Variants in RAP1GAP2 observed in about 807,000 individuals in gnomAD.
The protein encoded by RAP1GAP2 is RAP1 GTPase activating protein 2.
A neutral mutation model predicts 95.0 loss-of-function variants in RAP1GAP2; 27 were observed. The observed-to-expected ratio is 0.28, with a 90% CI of 0.21 to 0.39. The LOEUF is 0.39. RAP1GAP2 is among the 10% of genes least tolerant of loss of function. The probability of loss-of-function intolerance (pLI) is 1.00; values close to 1 mark genes in which losing one functional copy is unlikely to be tolerated. For synonymous variants in RAP1GAP2, 373 were observed against 380.9 expected (o/e 0.98, Z 0.24); for missense variants, 771 against 970.0 (o/e 0.79, Z 2.72).
Position 3,035,565 on chromosome 17 carries a change from A to C in RAP1GAP2, c.*2204A>C, listed in dbSNP as rs547033060. Reference sequence around the variant, plus strand: ...CTGGGTGGCCCCCAGAGAAGCACAGACCTGAGATGGGGTCTCCATGCCCGG... The same window carrying C: ...CTGGGTGGCCCCCAGAGAAGCACAGCCCTGAGATGGGGTCTCCATGCCCGG... On this transcript the variant is annotated 3_prime_UTR_variant, in exon 25 of 25. Coordinates refer to ENST00000254695, the MANE Select transcript of RAP1GAP2 (RefSeq NM_015085.5). The surrounding 1 kb of genome is among the most constrained non-coding windows in gnomAD (Gnocchi z 4.3). 9.9e-4 allele frequency: 151 copies of C among 152,690 alleles called. 1 individual carries two copies. Among genetic ancestry groups the C allele is most frequent in the Admixed American group, 2.1e-3 (32 of 15,296 alleles). 9.5% of individuals were successfully genotyped at this position (152,690 alleles called of 1,614,324 possible).
At chr17:2,769,744 T>A (rs1567634933) in intron 1 of RAP1GAP2, among the ~76,000 whole-genome samples, 1 of 152,074 alleles carries the variant, frequency 6.6e-6, no homozygotes, top group Non-Finnish European at 1.5e-5. Flanking sequence ...TCCAAGTGAC[T>A]TCTTTCAGCT....
chr17:2,966,243 C>T (rs769916109), intron 8 of RAP1GAP2, among the ~76,000 whole-genome samples: 1 of 152,160 alleles, frequency 6.6e-6, no homozygotes, highest in African/African-American at 2.4e-5. Context: ...CCAGGAACTG[C>T]GATAGGTGTT....
chr17:2,804,182 G>T (rs903969468), intron 2 of RAP1GAP2, among the ~76,000 whole-genome samples: 2 of 152,166 alleles, frequency 1.3e-5, no homozygotes, highest in Non-Finnish European at 2.9e-5. Flanking sequence ...CAGGCTCCCT[G>T]GTTGCCTTGG....
chr17:2,830,669 A>C (rs1460855737), intron 2 of RAP1GAP2, among the ~76,000 whole-genome samples: 1 of 151,690 alleles, frequency 6.6e-6, no homozygotes, highest in Non-Finnish European at 1.5e-5. Flanking sequence ...AGCCGAGATC[A>C]CACCACTGCA....
At chr17:2,978,238 A>T (rs2045209644) in intron 8 of RAP1GAP2, among the ~76,000 whole-genome samples, 1 of 152,148 alleles carries the variant, frequency 6.6e-6, no homozygotes, top group South Asian at 2.1e-4. Context: ...TTTCGACTTA[A>T]AGGAGGCACT....
chr17:3,034,358 G>T lies in RAP1GAP2; in HGVS notation c.*997G>T. On this transcript the variant is annotated 3_prime_UTR_variant, in exon 25 of 25. Coordinates refer to ENST00000254695, the MANE Select transcript of RAP1GAP2 (RefSeq NM_015085.5). The surrounding 1 kb of genome is among the most constrained non-coding windows in gnomAD (Gnocchi z 5.1). ...TCTCTGCTGACAATGGGGGTTCAAG[G>T]AAGACGTCGTTATCTCCCCTCCCCA... 4.1e-6 allele frequency: 1 copy of T among 243,792 alleles called. No individual in the cohort carries two copies. Among genetic ancestry groups the T allele is most frequent in the Non-Finnish European group, 8.4e-6 (1 of 119,738 alleles). 15.1% of individuals were successfully genotyped at this position (243,792 alleles called of 1,614,324 possible).
At chr17:2,967,333 T>G (rs1316763783) in intron 8 of RAP1GAP2, among the ~76,000 whole-genome samples, 4 of 152,204 alleles carry the variant, frequency 2.6e-5, no homozygotes, top group Admixed American at 2.6e-4. Context: ...ATCGCACCAC[T>G]GCACTCCAGC....
chr17:2,939,935 C>T (rs1057472596), intron 3 of RAP1GAP2, among the ~76,000 whole-genome samples: 2 of 152,238 alleles, frequency 1.3e-5, no homozygotes, highest in African/African-American at 4.8e-5. Flanking sequence ...CCTGTAGTTC[C>T]TTGTTTGATC....
intron 2 of RAP1GAP2, among the ~76,000 whole-genome samples, chr17:2,835,650 AG>A (rs1269711463): frequency 6.6e-6 from 1 of 152,208 alleles, no homozygotes; most frequent in East Asian, 1.9e-4. Context: ...ATTGGAGCCC[AG>A]GAGTTTGAGG....
In RAP1GAP2 at chr17:2,965,530, C is replaced by CT. The variant is rs771809172; in HGVS notation, c.493-3dup. The CT allele has an allele frequency of 7.5e-6, 12 of 1,602,458 alleles. No individual in the cohort carries two copies. In the East Asian group the frequency reaches 2.5e-4, roughly 33 times the overall value. On this transcript the variant is annotated splice_polypyrimidine_tract_variant and intron_variant, in intron 7 of 24. Coordinates refer to ENST00000254695, the MANE Select transcript of RAP1GAP2 (RefSeq NM_015085.5). The surrounding 1 kb of genome is among the most constrained non-coding windows in gnomAD (Gnocchi z 4.7). ...CCTCCTTCCTGCTCACACTCAGTTT[C>CT]TTTTTTTAGGATCATCTAAACTTTT...
intron 22 of RAP1GAP2, among the ~76,000 whole-genome samples, chr17:3,030,146 A>G (rs2047247010): frequency 6.8e-6 from 1 of 147,562 alleles, no homozygotes; most frequent in Non-Finnish European, 1.5e-5. Flanking sequence ...ATTATATGTT[A>G]TATGTATATA....
At chr17:2,888,537 C>T (rs1010403567) in intron 2 of RAP1GAP2, among the ~76,000 whole-genome samples, 3 of 152,092 alleles carry the variant, frequency 2.0e-5, no homozygotes, top group African/African-American at 4.8e-5. Context: ...CTGTGCCTGG[C>T]TTATTTCACT....
chr17:2,911,231 C>T (rs1047025729), intron 3 of RAP1GAP2, among the ~76,000 whole-genome samples: 6 of 147,700 alleles, frequency 4.1e-5, no homozygotes, highest in African/African-American at 1.6e-4. Flanking sequence ...GCACCCTCCC[C>T]CACCTCTTTG....
chr17:2,940,743 G>A (rs1043334995), intron 3 of RAP1GAP2, among the ~76,000 whole-genome samples: 4 of 152,188 alleles, frequency 2.6e-5, no homozygotes, highest in African/African-American at 4.8e-5. Context: ...GGGGGCCCAC[G>A]CGGACTTGGC....
rs565948174 is a variant in RAP1GAP2 at position 2,904,568 on chromosome 17, G to A, written c.81-716G>A. On this transcript the variant is annotated intron_variant, in intron 2 of 24. Coordinates refer to ENST00000254695, the MANE Select transcript of RAP1GAP2 (RefSeq NM_015085.5). This position sits in a 1 kb window ranked among gnomAD's most constrained non-coding sequence, Gnocchi z 4.7. ...TGTGTGTGTGTGTGTGTGTGTGTGTGTACGTGCAGAGGGGCTCAAGGGAGA... is the reference window on the plus strand; with the variant it reads ...TGTGTGTGTGTGTGTGTGTGTGTGTATACGTGCAGAGGGGCTCAAGGGAGA... Among the ~76,000 whole-genome samples, 67 of 151,608 alleles carry A rather than the reference G, an allele frequency of 4.4e-4. No individual in the cohort carries two copies. Among genetic ancestry groups the A allele is most frequent in the African/African-American group, 1.6e-3 (66 of 41,358 alleles).
At chr17:2,854,473 C>T (rs145905928) in intron 2 of RAP1GAP2, among the ~76,000 whole-genome samples, 1 of 152,346 alleles carries the variant, frequency 6.6e-6, no homozygotes, top group East Asian at 1.9e-4. Flanking sequence ...CATTTGCTTC[C>T]TGCAACTTGG....
intron 2 of RAP1GAP2, among the ~76,000 whole-genome samples, chr17:2,895,658 C>G (rs1255298709): frequency 1.3e-5 from 2 of 151,850 alleles, no homozygotes; most frequent in African/African-American, 4.8e-5. Flanking sequence ...CTTACTGCAA[C>G]CTCCGCCTCC....
chr17:2,987,197 A>G (rs962623366), intron 11 of RAP1GAP2, among the ~76,000 whole-genome samples: 2 of 152,218 alleles, frequency 1.3e-5, no homozygotes, highest in African/African-American at 2.4e-5. Flanking sequence ...GACTCCTTCT[A>G]GAGTGCGGTG....
chr17:2,967,568 G>A (rs985597595), intron 8 of RAP1GAP2, among the ~76,000 whole-genome samples: 1 of 152,026 alleles, frequency 6.6e-6, no homozygotes. Flanking sequence ...GCCCCAGGAA[G>A]CCCAGCAAGC....
Sources: allele counts gnomAD v4.1 joint callset (sites outside exome capture counted in the v4.1 genomes callset), GRCh38; gene constraint gnomAD v4.1.1; non-coding constraint Gnocchi (gnomAD v3.1); transcripts MANE v1.5; gene names NCBI Gene and HGNC (gene_info 2026-07-23, HGNC 2026-07-21).